Variants in KCNK2 observed in about 807,000 individuals in gnomAD.
The protein encoded by KCNK2 is potassium two pore domain channel subfamily K member 2.
Under a neutral mutation model 40.5 loss-of-function variants are expected in KCNK2, and 21 were observed. The ratio of observed to expected loss-of-function variants is 0.52; its 90% CI spans 0.37 to 0.75. The LOEUF is 0.75. KCNK2 is among the 30% of genes least tolerant of loss of function. KCNK2 has a pLI of 0.00. For synonymous variants in KCNK2, 191 were observed against 202.2 expected (o/e 0.94, Z 0.47); for missense variants, 399 against 531.6 (o/e 0.75, Z 2.45).
rs186423242 is a variant in KCNK2, at chr1:215,164,820, T to C, written c.476-4379T>C. Among the ~76,000 whole-genome samples the C allele has an allele frequency of 1.3e-3, 194 of 152,276 alleles. 1 individual carries two copies. The highest frequency in any genetic ancestry group is 4.5e-3 in the African/African-American group (185 of 41,572). Reference sequence around the variant, plus strand: ...CACTTATCACACGTTTGTATCAGTCTCTTGCAGGTGTCCTCACTGGATTGT... The same window carrying C: ...CACTTATCACACGTTTGTATCAGTCCCTTGCAGGTGTCCTCACTGGATTGT... On this transcript the variant is annotated intron_variant, in intron 3 of 6. Coordinates refer to ENST00000444842, the MANE Select transcript of KCNK2 (RefSeq NM_001017425.3).
intron 1 of KCNK2, among the ~76,000 whole-genome samples, chr1:215,011,045 A>G (rs1656366743): frequency 6.6e-6 from 1 of 150,544 alleles, no homozygotes. Context: ...AATTTACATC[A>G]AGTAAAATTC....
At chr1:215,165,607 A>C (rs1663407455) in intron 3 of KCNK2, among the ~76,000 whole-genome samples, 1 of 152,184 alleles carries the variant, frequency 6.6e-6, no homozygotes, top group Non-Finnish European at 1.5e-5. Context: ...AGTATAATAG[A>C]GTAAGCACTT....
intron 2 of KCNK2, among the ~76,000 whole-genome samples, chr1:215,119,756 T>C (rs1347869470): frequency 6.6e-6 from 1 of 152,174 alleles, no homozygotes; most frequent in Non-Finnish European, 1.5e-5. Flanking sequence ...ATGACTTGAT[T>C]GTACAGAAAT....
chr1:215,010,648 G>A (rs1241423498), intron 1 of KCNK2, among the ~76,000 whole-genome samples: 2 of 152,132 alleles, frequency 1.3e-5, no homozygotes, highest in Non-Finnish European at 2.9e-5. Context: ...TTTGAAACCC[G>A]AGGTAAGAGG....
At chr1:215,011,567 C>T (rs1656389719) in intron 1 of KCNK2, among the ~76,000 whole-genome samples, 1 of 152,126 alleles carries the variant, frequency 6.6e-6, no homozygotes, top group Non-Finnish European at 1.5e-5. Context: ...GCTGGGATTA[C>T]AGGCGTGAGT....
chr1:215,023,037 C>T (rs1656863776), intron 1 of KCNK2, among the ~76,000 whole-genome samples: 2 of 152,180 alleles, frequency 1.3e-5, no homozygotes, highest in South Asian at 4.1e-4. Flanking sequence ...AACAGTATGC[C>T]TGTTAACACA....
intron 6 of KCNK2, among the ~76,000 whole-genome samples, chr1:215,210,273 A>C (rs1665682974): frequency 6.6e-6 from 1 of 151,376 alleles, no homozygotes; most frequent in South Asian, 2.1e-4. Context: ...GAATGGATTT[A>C]ACTTAAACAC....
rs370361294 is a variant in KCNK2 at position 215,083,283 on chromosome 1, C to T, written c.-103C>T. ...AAATGCCTGCCCGTGCAGCTCGGAGCGCGCAGCCCGTCTCTGAATAAGAAG... is the reference window on the plus strand; with the variant it reads ...AAATGCCTGCCCGTGCAGCTCGGAGTGCGCAGCCCGTCTCTGAATAAGAAG... On this transcript the variant is annotated 5_prime_UTR_variant, in exon 1 of 7. Coordinates refer to ENST00000444842, the MANE Select transcript of KCNK2 (RefSeq NM_001017425.3). 8.3e-6 allele frequency: 13 copies of T among 1,574,988 alleles called. No homozygotes were observed. In the African/African-American group the frequency reaches 1.5e-4, roughly 18 times the overall value.
intron 1 of KCNK2, 150 bp downstream of exon 1, chr1:215,083,581 T>A: frequency 1.5e-6 from 1 of 658,828 alleles, no homozygotes; most frequent in Non-Finnish European, 2.7e-6. Context: ...AATCTGGATT[T>A]GGAGGCAAAC....
At chr1:215,219,191 G>T (rs1571744564) in intron 6 of KCNK2, among the ~76,000 whole-genome samples, 1 of 152,130 alleles carries the variant, frequency 6.6e-6, no homozygotes, top group Non-Finnish European at 1.5e-5. Flanking sequence ...GTCCATTCTT[G>T]TGTGGCTGTA....
chr1:215,184,735 T>C (rs1290535667), intron 5 of KCNK2, among the ~76,000 whole-genome samples: 2 of 152,126 alleles, frequency 1.3e-5, no homozygotes, highest in Non-Finnish European at 2.9e-5. Context: ...TCCCATAGGG[T>C]CCCTTTCATG....
In KCNK2 at chr1:215,007,766, C is replaced by T. The variant is rs775578793; in HGVS notation, c.34+1811C>T. ...CAACGGTTATCATTAAGGTAAACTA[C>T]TTTTGTATAATCATCTATAGCATTG... On this transcript the variant is annotated intron_variant, in intron 1 of 6. Transcript: ENST00000391895. Among the ~76,000 whole-genome samples, 130 of 152,210 alleles carry T rather than the reference C, an allele frequency of 8.5e-4. 1 individual carries two copies. The highest frequency in any genetic ancestry group is 2.0e-3 in the Admixed American group (30 of 15,284).
chr1:215,013,651 A>T (rs1656486130), intron 1 of KCNK2, among the ~76,000 whole-genome samples: 1 of 152,130 alleles, frequency 6.6e-6, no homozygotes. Flanking sequence ...TTTTTGTTAG[A>T]TTAATATCTA....
chr1:215,208,370 G>A (rs1172156802), intron 6 of KCNK2, among the ~76,000 whole-genome samples: 1 of 152,138 alleles, frequency 6.6e-6, no homozygotes, highest in East Asian at 1.9e-4. Flanking sequence ...GAGGGTGGGA[G>A]AAGGGAGAGG....
chr1:215,099,198 G>T (rs144697824), intron 2 of KCNK2, among the ~76,000 whole-genome samples: 139 of 151,912 alleles, frequency 9.2e-4, no homozygotes, highest in African/African-American at 3.2e-3. Context: ...CCTAGTGTGT[G>T]TTATTCCTTT....
intron 3 of KCNK2, among the ~76,000 whole-genome samples, chr1:215,166,198 G>A (rs1275175667): frequency 1.3e-5 from 2 of 152,068 alleles, no homozygotes; most frequent in Admixed American, 1.3e-4. Flanking sequence ...TTTCCATAGT[G>A]TGCTCGAGGG....
chr1:215,150,440 G>A lies in KCNK2; in HGVS notation c.476-18759G>A, dbSNP rs557214226. 6.6e-4 allele frequency among the ~76,000 whole-genome samples: 100 copies of A among 151,946 alleles called. 1 individual carries two copies. The highest frequency in any genetic ancestry group is 2.2e-3 in the African/African-American group (90 of 41,448). On this transcript the variant is annotated intron_variant, in intron 3 of 6. Coordinates refer to ENST00000444842, the MANE Select transcript of KCNK2 (RefSeq NM_001017425.3). ...ATTGAATAATTGTTTAATTTCCAAC[G>A]TTTGTGATGTTTTTAAATGTAATGA...
At chr1:215,032,724 G>T (rs1657248338) in intron 1 of KCNK2, among the ~76,000 whole-genome samples, 1 of 152,020 alleles carries the variant, frequency 6.6e-6, no homozygotes, top group Non-Finnish European at 1.5e-5. Context: ...TGTTTGCATG[G>T]TTTTCAAGAA....
intron 2 of KCNK2, among the ~76,000 whole-genome samples, chr1:215,104,200 T>G (rs1367522675): frequency 2.0e-5 from 3 of 152,092 alleles, no homozygotes; most frequent in African/African-American, 7.2e-5. Flanking sequence ...ACTCTGTCAT[T>G]TTAGAGCTAA....
Sources: allele counts gnomAD v4.1 joint callset (sites outside exome capture counted in the v4.1 genomes callset), GRCh38; gene constraint gnomAD v4.1.1; transcripts MANE v1.5; gene names NCBI Gene and HGNC (gene_info 2026-07-23, HGNC 2026-07-21).